The following IL1RL2 variants were observed in gnomAD, a reference collection of about 807,000 sequenced individuals.
IL1RL2 encodes the protein interleukin 1 receptor like 2, also known as interleukin-1 receptor-like 2.
Under a neutral mutation model 66.8 loss-of-function variants are expected in IL1RL2, and 68 were observed. That is an observed-to-expected ratio of 1.02 (90% CI 0.84 to 1.25). IL1RL2 has a LOEUF of 1.25. Ranked by LOEUF, IL1RL2 falls within the 50% of genes most tolerant of loss-of-function variation. The pLI is 0.00. For synonymous variants in IL1RL2, 305 were observed against 264.6 expected (o/e 1.15, Z -1.48); for missense variants, 729 against 709.3 (o/e 1.03, Z -0.32).
At chr2:102,220,164 TCTCATGCAACAG>T (rs1689978274) in intron 8 of IL1RL2, 147 bp downstream of exon 8, 1 of 639,324 alleles carries the variant, frequency 1.6e-6, no homozygotes, top group Non-Finnish European at 2.4e-6. Flanking sequence ...CTAGGGAAAA[TCTCATGCAACAG>T]CTCATAATGT....
intron 4 of IL1RL2, among the ~76,000 whole-genome samples, chr2:102,196,174 C>T (rs934662155): frequency 9.8e-5 from 15 of 152,286 alleles, no homozygotes; most frequent in African/African-American, 3.1e-4. Flanking sequence ...AAGTGAGCAT[C>T]GGATTTGATC....
At chr2:102,227,854 T>C (rs970556133) in intron 9 of IL1RL2, among the ~76,000 whole-genome samples, 1 of 152,160 alleles carries the variant, frequency 6.6e-6, no homozygotes, top group Non-Finnish European at 1.5e-5. Context: ...CACTGAGTCA[T>C]TGCGACTCCC....
At chr2:102,237,378 G>A (rs7572871) in intron 11 of IL1RL2, among the ~76,000 whole-genome samples, 27,641 of 152,200 alleles carry the variant, frequency 0.18, 3,000 homozygotes, top group East Asian at 0.32. Flanking sequence ...GTTTCCTGGC[G>A]TGGCCTGGTC....
In IL1RL2 at chr2:102,235,106, T is replaced by C; in HGVS notation, c.1507T>C (p.Tyr503His). ...DYTVMPESIQ[Y>H]IKQKHGAIRW... Reference sequence around the variant, plus strand: ...CACAGTCATGCCAGAGTCAATTCAGTACATCAAACAGAAGCATGGTGCCAT... The same window carrying C: ...CACAGTCATGCCAGAGTCAATTCAGCACATCAAACAGAAGCATGGTGCCAT... Residue 503 changes from tyrosine to histidine, a missense_variant, in exon 11 of 12, where the codon TAC becomes CAC. By Grantham distance (83) the Tyr-to-His change is moderately conservative. Coordinates refer to ENST00000264257, the MANE Select transcript of IL1RL2 (RefSeq NM_003854.4). 1 of 1,614,208 alleles carries C rather than the reference T, an allele frequency of 6.2e-7. No homozygotes were observed. The highest frequency in any genetic ancestry group is 2.2e-5 in the East Asian group (1 of 44,878).
chr2:102,207,485 G>A (rs748066857), intron 5 of IL1RL2, among the ~76,000 whole-genome samples: 17 of 151,768 alleles, frequency 1.1e-4, no homozygotes, highest in African/African-American at 2.2e-4. Flanking sequence ...AATCCTTTCC[G>A]TCAAGGCAGC....
chr2:102,236,416 G>T (rs1237172133), intron 11 of IL1RL2, among the ~76,000 whole-genome samples: 1 of 152,034 alleles, frequency 6.6e-6, no homozygotes, highest in Non-Finnish European at 1.5e-5. Flanking sequence ...GTGGTACCCA[G>T]TGTGGGATGG....
At chr2:102,187,263 T>C in intron 1 of IL1RL2, 177 bp downstream of exon 1, 1 of 1,183,074 alleles carries the variant, frequency 8.5e-7, no homozygotes, top group Non-Finnish European at 1.1e-6. Context: ...CGTCTCTGGG[T>C]CGAGGAGTGG....
intron 5 of IL1RL2, among the ~76,000 whole-genome samples, chr2:102,210,655 T>C (rs1446640714): frequency 1.3e-5 from 2 of 152,204 alleles, no homozygotes; most frequent in African/African-American, 2.4e-5. Context: ...TCAAAAAAGT[T>C]AACCAGGCTT....
chr2:102,212,931 T>C (rs1431180893), intron 6 of IL1RL2, among the ~76,000 whole-genome samples: 1 of 152,060 alleles, frequency 6.6e-6, no homozygotes, highest in African/African-American at 2.4e-5. Flanking sequence ...ATCGCGCCAC[T>C]GCACTCCAGC....
intron 6 of IL1RL2, among the ~76,000 whole-genome samples, chr2:102,217,885 T>A (rs755650083): frequency 3.3e-5 from 5 of 152,138 alleles, no homozygotes; most frequent in Non-Finnish European, 5.9e-5. Flanking sequence ...ATGTTTTGGA[T>A]AAGATCTCAA....
At chr2:102,209,623 T>C (rs1688988905) in intron 5 of IL1RL2, among the ~76,000 whole-genome samples, 1 of 152,234 alleles carries the variant, frequency 6.6e-6, no homozygotes, top group Non-Finnish European at 1.5e-5. Context: ...CAGGGCAAGG[T>C]CCAGGGGACT....
At chr2:102,232,161 G>C (rs765147968) in intron 9 of IL1RL2, among the ~76,000 whole-genome samples, 8 of 150,888 alleles carry the variant, frequency 5.3e-5, no homozygotes, top group Non-Finnish European at 1.0e-4. Context: ...GCCCAGGCTG[G>C]AGTGCAATGG....
intron 3 of IL1RL2, among the ~76,000 whole-genome samples, chr2:102,189,998 C>T (rs527763234): frequency 3.3e-5 from 5 of 152,322 alleles, no homozygotes; most frequent in Non-Finnish European, 7.3e-5. Flanking sequence ...GGAAATGGCA[C>T]ATCCAGATAG....
chr2:102,219,101 T>C lies in IL1RL2; in HGVS notation c.854+19T>C. ...GGGTGGAGTAGGTGTTTTGCTTTTT[T>C]GACTTCTCTAAACGCTAGCAAGGAT... On this transcript the variant is annotated intron_variant, in intron 7 of 11. Coordinates refer to ENST00000264257, the MANE Select transcript of IL1RL2 (RefSeq NM_003854.4). 6.2e-7 allele frequency: 1 copy of C among 1,613,582 alleles called. No individual in the cohort carries two copies. Among genetic ancestry groups the C allele is most frequent in the African/African-American group, 1.3e-5 (1 of 75,026 alleles).
intron 5 of IL1RL2, among the ~76,000 whole-genome samples, chr2:102,203,001 A>G (rs982850220): frequency 1.3e-5 from 2 of 152,200 alleles, no homozygotes; most frequent in African/African-American, 4.8e-5. Context: ...ATTCAGTATG[A>G]TACTAGCTGT....
intron 2 of IL1RL2, among the ~76,000 whole-genome samples, chr2:102,188,587 C>CAAAAAAAAAAAA (rs374522339): frequency 1.1e-5 from 1 of 94,978 alleles, no homozygotes; most frequent in East Asian, 3.4e-4. Flanking sequence ...GACTCCGTCT[C>CAAAAAAAAAAAA]AAAAAAAAAA....
Position 102,239,536 on chromosome 2 carries a change from A to G in IL1RL2, c.*295A>G, listed in dbSNP as rs1367454799. 5.6e-6 allele frequency: 2 copies of G among 357,676 alleles called. No individual in the cohort carries two copies. The highest frequency in any genetic ancestry group is 1.1e-5 in the Non-Finnish European group (2 of 184,256). 22.2% of individuals were successfully genotyped at this position (357,676 alleles called of 1,614,324 possible). Reference sequence around the variant, plus strand: ...AGGCATCCCCAAGTCATGGTGGGTGAGAGCTCGGAGCATCCCCATGTCATG... The same window carrying G: ...AGGCATCCCCAAGTCATGGTGGGTGGGAGCTCGGAGCATCCCCATGTCATG... On this transcript the variant is annotated 3_prime_UTR_variant, in exon 12 of 12. Coordinates refer to ENST00000264257, the MANE Select transcript of IL1RL2 (RefSeq NM_003854.4).
intron 6 of IL1RL2, 22 bp from the exon 7 acceptor site, chr2:102,218,931 T>A: frequency 6.2e-7 from 1 of 1,600,674 alleles, no homozygotes; most frequent in East Asian, 2.2e-5. Context: ...CATTGAATAT[T>A]GATGATATTG....
At chr2:102,217,351 T>C (rs2104823568) in intron 6 of IL1RL2, among the ~76,000 whole-genome samples, 1 of 152,280 alleles carries the variant, frequency 6.6e-6, no homozygotes, top group East Asian at 1.9e-4. Flanking sequence ...AACTTACAGA[T>C]TCAATGCAAT....
Sources: allele counts gnomAD v4.1 joint callset (sites outside exome capture counted in the v4.1 genomes callset), GRCh38; gene constraint gnomAD v4.1.1; transcripts MANE v1.5; gene names NCBI Gene and HGNC (gene_info 2026-07-23, HGNC 2026-07-21).